CAPN14: variants seen among roughly 807,000 people sequenced by gnomAD.
The protein encoded by CAPN14 is calpain 14, also known as calpain-14.
Under a neutral mutation model 101.3 loss-of-function variants are expected in CAPN14, and 94 were observed. That is an observed-to-expected ratio of 0.93 (90% CI 0.79 to 1.10). The LOEUF is 1.10. CAPN14 is among the 50% of genes least tolerant of loss of function. The probability of loss-of-function intolerance (pLI) is 0.00; values close to 1 mark genes in which losing one functional copy is unlikely to be tolerated. For missense variants in CAPN14, 837 were observed against 828.4 expected (o/e 1.01, Z -0.13); for synonymous variants, 338 against 317.9 (o/e 1.06, Z -0.67).
At chr2:31,193,606 T>A (rs12623398) in intron 9 of CAPN14, among the ~76,000 whole-genome samples, 68,651 of 152,122 alleles carry the variant, frequency 0.45, 16,841 homozygotes, top group East Asian at 0.58. Flanking sequence ...AATTAAGGCA[T>A]AGCTAACTAG....
At chr2:31,184,064 G>A (rs2148675687) in intron 16 of CAPN14, among the ~76,000 whole-genome samples, 1 of 152,128 alleles carries the variant, frequency 6.6e-6, no homozygotes, top group South Asian at 2.1e-4. Flanking sequence ...CATATTTTTG[G>A]TAGAGACAGG....
intron 12 of CAPN14, 145 bp from the exon 13 acceptor site, chr2:31,189,623 G>A (rs753142449): frequency 5.9e-5 from 43 of 727,238 alleles, no homozygotes; most frequent in Non-Finnish European, 1.0e-4. Context: ...TGAAACAAGT[G>A]GGGAGGAAAG....
chr2:31,206,341 G>C (rs769664230), intron 1 of CAPN14, among the ~76,000 whole-genome samples: 38 of 152,324 alleles, frequency 2.5e-4, no homozygotes, highest in Non-Finnish European at 5.1e-4. Context: ...GGCGGTCACA[G>C]GCTCTGGCAG....
chr2:31,201,737 A>C, intron 5 of CAPN14, 125 bp downstream of exon 5: 2 of 1,244,580 alleles, frequency 1.6e-6, no homozygotes, highest in East Asian at 2.6e-5. Flanking sequence ...TGTCACTTCT[A>C]TGTTGGCTAA....
intron 21 of CAPN14, 81 bp from the exon 22 acceptor site, chr2:31,174,788 G>A: frequency 1.5e-6 from 2 of 1,358,864 alleles, no homozygotes; most frequent in Admixed American, 4.0e-5. Context: ...CTCCTGGGGA[G>A]CCATGGAGAC....
chr2:31,201,934 C>A lies in CAPN14; in HGVS notation c.479G>T (p.Gly160Val). 1 of 1,551,708 alleles carries A rather than the reference C, an allele frequency of 6.4e-7. No individual in the cohort carries two copies. Among genetic ancestry groups the A allele is most frequent in the South Asian group, 1.2e-5 (1 of 84,052 alleles). ...GGTGGAGGAGACAAAGACCAGCTGG[C>A]CAGCCTCATTCACAGGCAGACGGTC... ...IDDRLPVNEA[G>V]QLVFVSSTYK... Residue 160 changes from glycine (G) to valine (V), a missense_variant, in exon 5 of 22, where the codon GGC becomes GTC. Transcript: ENST00000403897.
At chr2:31,186,373 G>A (rs1680900442) in intron 16 of CAPN14, 55 bp downstream of exon 16, 2 of 1,291,246 alleles carry the variant, frequency 1.5e-6, no homozygotes, top group Non-Finnish European at 2.1e-6. Flanking sequence ...CAAAGCCAGA[G>A]TTTAGAAAAG....
chr2:31,192,987 A>C, intron 10 of CAPN14, 144 bp downstream of exon 10: 3 of 763,392 alleles, frequency 3.9e-6, no homozygotes, highest in Non-Finnish European at 4.2e-6. Context: ...GTTATAGCCC[A>C]GGGCCCCAAC....
chr2:31,214,276 C>T (rs1682535150), intron 1 of CAPN14, among the ~76,000 whole-genome samples: 1 of 152,166 alleles, frequency 6.6e-6, no homozygotes. Context: ...TGAAGCTGAA[C>T]TGAGATAAAG....
At chr2:31,178,823 A>C (rs1680442811) in intron 17 of CAPN14, among the ~76,000 whole-genome samples, 3 of 152,050 alleles carry the variant, frequency 2.0e-5, no homozygotes, top group Admixed American at 2.0e-4. Context: ...ATGATGATGG[A>C]GGTGATGATG....
intron 16 of CAPN14, among the ~76,000 whole-genome samples, chr2:31,186,090 T>C (rs1033776824): frequency 2.0e-5 from 3 of 152,128 alleles, no homozygotes; most frequent in African/African-American, 7.2e-5. Flanking sequence ...ATATCCCAGG[T>C]TGAGGAAATG....
At chr2:31,198,642 A>G (rs1558624284) in intron 7 of CAPN14, among the ~76,000 whole-genome samples, 2 of 152,248 alleles carry the variant, frequency 1.3e-5, no homozygotes, top group Non-Finnish European at 2.9e-5. Flanking sequence ...TTGGAGATCT[A>G]GAAGGAAGAA....
chr2:31,212,639 C>T (rs928179408), intron 1 of CAPN14, among the ~76,000 whole-genome samples: 1 of 152,152 alleles, frequency 6.6e-6, no homozygotes, highest in African/African-American at 2.4e-5. Flanking sequence ...CACCAGAGTG[C>T]AAAAATAGGA....
intron 1 of CAPN14, among the ~76,000 whole-genome samples, chr2:31,216,791 G>C (rs533692663): frequency 8.5e-5 from 13 of 152,222 alleles, no homozygotes; most frequent in South Asian, 4.1e-4. Context: ...GTGCCCATAG[G>C]CCAGCAGACC....
chr2:31,219,622 G>A (rs1682800778), upstream of CAPN14, among the ~76,000 whole-genome samples: 1 of 152,224 alleles, frequency 6.6e-6, no homozygotes, highest in South Asian at 2.1e-4. Flanking sequence ...CGGAGCACTT[G>A]CTAGAGTTCT....
rs1682066270 is a variant in CAPN14 at position 31,206,033 on chromosome 2, TATTTA to T, written c.-52-539_-52-535del. Among the ~76,000 whole-genome samples, 2 of 124,258 alleles carry T rather than the reference TATTTA, an allele frequency of 1.6e-5. 1 individual carries two copies. The highest frequency in any genetic ancestry group is 3.4e-5 in the Non-Finnish European group (2 of 59,288). The allele number at this position is 124,258 out of a possible 152,430, so 81.5% of individuals were successfully genotyped here. ...CTACATTATCTTTATTTTTTTTATT[TATTTA>T]TTTTTTTTTTTTGAGACAGAGTCTC... On this transcript the variant is annotated intron_variant, in intron 1 of 21. Coordinates refer to ENST00000403897, the MANE Select transcript of CAPN14 (RefSeq NM_001145122.2).
intron 12 of CAPN14, among the ~76,000 whole-genome samples, chr2:31,189,830 T>C (rs1033189223): frequency 2.6e-5 from 4 of 152,284 alleles, no homozygotes; most frequent in African/African-American, 9.6e-5. Context: ...CCCAGAGTCA[T>C]CAGCTGGGTA....
At chr2:31,194,997 T>C (rs4952056) in intron 8 of CAPN14, among the ~76,000 whole-genome samples, 30,306 of 152,046 alleles carry the variant, frequency 0.2, 3,349 homozygotes, top group East Asian at 0.37. Flanking sequence ...AGGTGAGCCC[T>C]AACATCACCT....
At chr2:31,206,266 G>A (rs1458916975) in intron 1 of CAPN14, among the ~76,000 whole-genome samples, 7 of 152,062 alleles carry the variant, frequency 4.6e-5, no homozygotes, top group South Asian at 4.2e-4. Context: ...GCTGCGCTCC[G>A]GGTCAAGGGT....
Sources: gnomAD v4.1 joint callset for allele counts (sites outside exome capture counted in the v4.1 genomes callset) on GRCh38, gnomAD v4.1.1 for gene constraint, MANE v1.5 for transcripts, NCBI Gene and HGNC (gene_info 2026-07-23, HGNC 2026-07-21) for gene names.